Variants in ADAMTSL1 observed in about 807,000 individuals in gnomAD.
ADAMTSL1 encodes ADAMTS-like protein 1.
ADAMTSL1 carries 126 observed loss-of-function variants against 201.8 expected under a neutral mutation model. The observed-to-expected ratio is 0.62, with a 90% CI of 0.54 to 0.72. The LOEUF is 0.72. Ranked by LOEUF, ADAMTSL1 falls within the 30% of genes least tolerant of loss-of-function variation. The pLI, the probability that ADAMTSL1 is intolerant of heterozygous loss-of-function variation, is 0.00. For synonymous variants in ADAMTSL1, 1,121 were observed against 903.4 expected (o/e 1.24, Z -4.32); for missense variants, 2,679 against 2,277.8 (o/e 1.18, Z -3.59).
chr9:17,940,728 G>A (rs201548411), intron 1 of ADAMTSL1, among the ~76,000 whole-genome samples: 1,063 of 78,800 alleles, frequency 0.013, 3 homozygotes, highest in Admixed American at 0.022. Context: ...AAAAAAAAAA[G>A]AAAAAAAAGA....
At chr9:18,841,738 A>T (rs1468193128) in intron 23 of ADAMTSL1, among the ~76,000 whole-genome samples, 3 of 152,120 alleles carry the variant, frequency 2.0e-5, no homozygotes, top group Non-Finnish European at 4.4e-5. Context: ...CTATTCAGAG[A>T]TTCAACTTCT....
rs139954513 is a variant in ADAMTSL1 at position 18,115,193 on chromosome 9, T to C, written c.88-48669T>C. 3.3e-3 allele frequency among the ~76,000 whole-genome samples: 500 copies of C among 152,302 alleles called. 3 individuals carry two copies. Among genetic ancestry groups the C allele is most frequent in the African/African-American group, 0.011 (473 of 41,572 alleles). Reference sequence around the variant, plus strand: ...TGTATTTGCAGTGGGCTTTGAGTTATTCACGAAATCCTATTGAACATCTTT... The same window carrying C: ...TGTATTTGCAGTGGGCTTTGAGTTACTCACGAAATCCTATTGAACATCTTT... On this transcript the variant is annotated intron_variant, in intron 1 of 29. Coordinates refer to the ADAMTSL1 transcript ENST00000680146.
intron 1 of ADAMTSL1, among the ~76,000 whole-genome samples, chr9:17,949,008 A>G (rs1397213285): frequency 6.6e-6 from 1 of 152,156 alleles, no homozygotes; most frequent in African/African-American, 2.4e-5. Context: ...TATCTGTATG[A>G]TTCTGAAATT....
At chr9:18,441,755 G>A (rs1820002854) in intron 2 of ADAMTSL1, among the ~76,000 whole-genome samples, 2 of 152,146 alleles carry the variant, frequency 1.3e-5, no homozygotes, top group Non-Finnish European at 2.9e-5. Context: ...GGCAGAGAAT[G>A]TAATGCTCTC....
intron 2 of ADAMTSL1, among the ~76,000 whole-genome samples, chr9:18,516,936 A>G (rs9696562): frequency 0.012 from 1,882 of 152,328 alleles, 35 homozygotes; most frequent in African/African-American, 0.043. Flanking sequence ...TGCAATGAAC[A>G]TCTGGGTGAC....
chr9:18,243,895 G>A (rs1260200212), intron 2 of ADAMTSL1, among the ~76,000 whole-genome samples: 1 of 151,212 alleles, frequency 6.6e-6, no homozygotes, highest in Non-Finnish European at 1.5e-5. Context: ...CACCAACTTA[G>A]TCAAGTGGTC....
At chr9:18,266,987 G>T (rs1316216733) in intron 2 of ADAMTSL1, among the ~76,000 whole-genome samples, 1 of 152,132 alleles carries the variant, frequency 6.6e-6, no homozygotes, top group South Asian at 2.1e-4. Flanking sequence ...CAGCAGGAAT[G>T]AGTTTGCTCA....
intron 2 of ADAMTSL1, among the ~76,000 whole-genome samples, chr9:18,380,382 A>G (rs767688194): frequency 2.0e-5 from 3 of 152,254 alleles, no homozygotes; most frequent in Non-Finnish European, 4.4e-5. Flanking sequence ...AAGATATGAA[A>G]TAAAGGTAGA....
At chr9:17,992,503 T>C (rs1453906544) in intron 1 of ADAMTSL1, among the ~76,000 whole-genome samples, 1 of 152,248 alleles carries the variant, frequency 6.6e-6, no homozygotes, top group East Asian at 1.9e-4. Flanking sequence ...CTTTAGTATC[T>C]GGGAAGCTGG....
chr9:18,369,870 C>T (rs1173325217), intron 2 of ADAMTSL1, among the ~76,000 whole-genome samples: 7 of 152,122 alleles, frequency 4.6e-5, no homozygotes, highest in Non-Finnish European at 1.0e-4. Flanking sequence ...CTTATCATTA[C>T]CTGGAGGCCA....
chr9:18,157,361 A>G (rs1425382305), intron 1 of ADAMTSL1, among the ~76,000 whole-genome samples: 1 of 149,680 alleles, frequency 6.7e-6, no homozygotes, highest in Non-Finnish European at 1.5e-5. Flanking sequence ...AGGTGTAGAT[A>G]TCTATCTACT....
intron 2 of ADAMTSL1, among the ~76,000 whole-genome samples, chr9:18,511,630 T>C (rs995364465): frequency 2.0e-5 from 3 of 152,102 alleles, no homozygotes; most frequent in African/African-American, 7.2e-5. Context: ...TCCACAGGAA[T>C]AGGAAAGATC....
At chr9:18,491,975 T>A (rs978935620) in intron 1 of ADAMTSL1, among the ~76,000 whole-genome samples, 2 of 152,200 alleles carry the variant, frequency 1.3e-5, no homozygotes, top group African/African-American at 4.8e-5. Context: ...GGCTATCATG[T>A]TTTTGAAGTA....
intron 2 of ADAMTSL1, among the ~76,000 whole-genome samples, chr9:18,363,370 T>G (rs1836615916): frequency 6.6e-6 from 1 of 152,232 alleles, no homozygotes; most frequent in African/African-American, 2.4e-5. Context: ...TTGCCTATTA[T>G]AAGCCGACAA....
intron 1 of ADAMTSL1, among the ~76,000 whole-genome samples, chr9:17,969,101 C>G (rs113640310): frequency 6.6e-6 from 1 of 151,930 alleles, no homozygotes; most frequent in South Asian, 2.1e-4. Flanking sequence ...ATCATTTTTG[C>G]TATATGTGTA....
At chr9:18,325,422 A>G (rs892069633) in intron 2 of ADAMTSL1, among the ~76,000 whole-genome samples, 4 of 152,230 alleles carry the variant, frequency 2.6e-5, no homozygotes, top group Admixed American at 6.5e-5. Context: ...AAAAATAACT[A>G]TCATTACATA....
At chr9:17,965,511 A>T (rs917645641) in intron 1 of ADAMTSL1, among the ~76,000 whole-genome samples, 3 of 152,164 alleles carry the variant, frequency 2.0e-5, no homozygotes, top group African/African-American at 7.2e-5. Flanking sequence ...GATCTTTTAA[A>T]AAATTTAAAG....
At chr9:18,258,710 C>A (rs1403002971) in intron 2 of ADAMTSL1, among the ~76,000 whole-genome samples, 1 of 152,182 alleles carries the variant, frequency 6.6e-6, no homozygotes, top group Non-Finnish European at 1.5e-5. Flanking sequence ...CTTCTGTGTG[C>A]TTACATTGCT....
chr9:18,449,021 G>A (rs1198336071), intron 2 of ADAMTSL1, among the ~76,000 whole-genome samples: 1 of 151,638 alleles, frequency 6.6e-6, no homozygotes, highest in Non-Finnish European at 1.5e-5. Context: ...CTCTTAAGTA[G>A]TTCATCAGTG....
Sources: gnomAD v4.1 joint callset for allele counts (sites outside exome capture counted in the v4.1 genomes callset) on GRCh38, gnomAD v4.1.1 for gene constraint, MANE v1.5 for transcripts, NCBI Gene and HGNC (gene_info 2026-07-23, HGNC 2026-07-21) for gene names.